The following KATNA1 variants were observed in gnomAD, a reference collection of about 807,000 sequenced individuals.
KATNA1 encodes the protein katanin catalytic subunit A1, also known as katanin p60 ATPase-containing subunit A1.
KATNA1 carries 42 observed loss-of-function variants against 62.6 expected under a neutral mutation model. The observed-to-expected ratio is 0.67, with a 90% CI of 0.52 to 0.87. The LOEUF (loss-of-function observed/expected upper bound fraction) is 0.87. Among genes scored for constraint, KATNA1 ranks in the 40% least tolerant of loss-of-function variants. KATNA1 has a pLI of 0.00. For missense variants in KATNA1, 498 were observed against 612.5 expected (o/e 0.81, Z 1.97); for synonymous variants, 186 against 201.9 (o/e 0.92, Z 0.67).
intron 3 of KATNA1, among the ~76,000 whole-genome samples, chr6:149,630,022 T>C (rs935221702): frequency 1.3e-5 from 2 of 152,192 alleles, no homozygotes; most frequent in African/African-American, 4.8e-5. Context: ...TTGACTATTA[T>C]TAGGATTTTT....
chr6:149,642,829 A>T (rs1197984393), intron 1 of KATNA1, among the ~76,000 whole-genome samples: 1 of 152,228 alleles, frequency 6.6e-6, no homozygotes, highest in Non-Finnish European at 1.5e-5. Context: ...ATGTGAGTGG[A>T]GAAATTGCTT....
At chr6:149,619,441 C>T (rs750626225) in intron 4 of KATNA1, among the ~76,000 whole-genome samples, 29 of 151,946 alleles carry the variant, frequency 1.9e-4, no homozygotes, top group Non-Finnish European at 3.1e-4. Context: ...GGTGAAACCC[C>T]GTCTCTACTA....
intron 4 of KATNA1, among the ~76,000 whole-genome samples, chr6:149,619,565 A>G (rs957189540): frequency 6.6e-6 from 1 of 152,024 alleles, no homozygotes; most frequent in Non-Finnish European, 1.5e-5. Context: ...GTTAGCCAAG[A>G]TGATGCCACT....
intron 7 of KATNA1, among the ~76,000 whole-genome samples, chr6:149,599,513 G>A (rs1159176037): frequency 6.6e-6 from 1 of 151,934 alleles, no homozygotes; most frequent in African/African-American, 2.4e-5. Context: ...GCACACTTCT[G>A]GTAAGAGAAG....
chr6:149,594,914 G>T lies in KATNA1; in HGVS notation c.*122C>A. ...ATTGCCTTTATTCAGAATCATAAGG[G>T]TTTTTTTAAAAAAATCTTACCATTA... On this transcript the variant is annotated 3_prime_UTR_variant, in exon 11 of 11. Coordinates refer to ENST00000367411, the MANE Select transcript of KATNA1 (RefSeq NM_007044.4). 2.7e-6 allele frequency: 2 copies of T among 736,564 alleles called. No individual in the cohort carries two copies. Among genetic ancestry groups the T allele is most frequent in the South Asian group, 2.3e-5 (1 of 43,426 alleles). The allele number at this position is 736,564 out of a possible 1,614,324, so 45.6% of individuals were successfully genotyped here. A position where few individuals can be genotyped will look rare whatever the true frequency, so the allele number is the denominator to read the frequency against.
intron 4 of KATNA1, among the ~76,000 whole-genome samples, chr6:149,621,123 CTT>C (rs1282414027): frequency 1.4e-4 from 19 of 135,736 alleles, no homozygotes; most frequent in Middle Eastern, 3.8e-3. Flanking sequence ...CCTATGCCTT[CTT>C]TTTTTTTTTT....
At chr6:149,609,248 C>G (rs1778853996) in intron 4 of KATNA1, among the ~76,000 whole-genome samples, 1 of 151,178 alleles carries the variant, frequency 6.6e-6, no homozygotes, top group Non-Finnish European at 1.5e-5. Flanking sequence ...ACCAAAGACA[C>G]AGAAAAAATT....
chr6:149,631,555 CAAAAAAAACA>C (rs1392202244), intron 3 of KATNA1: 1 of 84,416 alleles, frequency 1.2e-5, no homozygotes, highest in Non-Finnish European at 2.0e-5. Context: ...CTTAAAAAAA[CAAAAAAAACA>C]AAAAAAAAAC....
intron 2 of KATNA1, among the ~76,000 whole-genome samples, chr6:149,634,275 AAAAAT>A (rs377557364): frequency 0.02 from 2,649 of 133,974 alleles, 109 homozygotes; most frequent in African/African-American, 0.074. Context: ...TCCATCTCAA[AAAAAT>A]AAAATAAAAT....
At chr6:149,604,121 AAAAT>A (rs1227060935) in intron 5 of KATNA1, among the ~76,000 whole-genome samples, 3 of 152,192 alleles carry the variant, frequency 2.0e-5, no homozygotes, top group Non-Finnish European at 2.9e-5. Context: ...GCTCTAAAAG[AAAAT>A]AAAAGCAACA....
intron 4 of KATNA1, among the ~76,000 whole-genome samples, chr6:149,615,691 C>A (rs547921911): frequency 3.3e-4 from 50 of 152,014 alleles, no homozygotes; most frequent in African/African-American, 1.1e-3. Context: ...TGGGTAGGGG[C>A]GCGGATCACT....
intron 1 of KATNA1, among the ~76,000 whole-genome samples, chr6:149,647,420 G>A (rs1780529624): frequency 6.6e-6 from 1 of 150,730 alleles, no homozygotes; most frequent in Admixed American, 6.7e-5. Flanking sequence ...TACTCAAGGA[G>A]GCTGAGGCAG....
Position 149,613,105 on chromosome 6 carries a change from G to A in KATNA1, c.502-8323C>T, listed in dbSNP as rs59064652. Among the ~76,000 whole-genome samples, 586 of 144,882 alleles carry A rather than the reference G, an allele frequency of 4.0e-3. 4 individuals are homozygous for A. The highest frequency in any genetic ancestry group is 0.014 in the African/African-American group (550 of 38,636). ...TGAGGCAGGAGAATGGCGTGAACCC[G>A]GGAGGCGGAGCTTGCAGTGAGTGGG... is the stretch of plus-strand genomic sequence containing the variant. On this transcript the variant is annotated intron_variant, in intron 4 of 10. Coordinates refer to ENST00000367411, the MANE Select transcript of KATNA1 (RefSeq NM_007044.4).
intron 4 of KATNA1, among the ~76,000 whole-genome samples, chr6:149,619,465 T>A (rs1038388138): frequency 6.6e-6 from 1 of 151,868 alleles, no homozygotes; most frequent in Non-Finnish European, 1.5e-5. Context: ...TACAAAAAAT[T>A]AGCTAGGCGT....
intron 4 of KATNA1, among the ~76,000 whole-genome samples, chr6:149,618,123 C>G (rs1478992517): frequency 2.0e-5 from 3 of 147,528 alleles, no homozygotes; most frequent in South Asian, 4.2e-4. Context: ...CCACTGCACT[C>G]CAGCCTGGTG....
intron 4 of KATNA1, among the ~76,000 whole-genome samples, chr6:149,610,427 CA>C (rs1414121140): frequency 4.6e-5 from 7 of 152,026 alleles, no homozygotes; most frequent in African/African-American, 1.7e-4. Context: ...GTTCACAGAA[CA>C]TATACCAAAA....
intron 2 of KATNA1, among the ~76,000 whole-genome samples, chr6:149,634,707 T>A (rs1475038582): frequency 6.6e-6 from 1 of 152,174 alleles, no homozygotes; most frequent in Non-Finnish European, 1.5e-5. Context: ...AATTAACTTT[T>A]AAAATGCTGA....
chr6:149,648,706 G>C lies in KATNA1; in HGVS notation c.-251C>G, dbSNP rs1367424836. ...CACTTCCGGTGCCGGGGACGACCTCGGCGACTCTGGCGCACGCGGGGCGTC... is the reference window on the plus strand; with the variant it reads ...CACTTCCGGTGCCGGGGACGACCTCCGCGACTCTGGCGCACGCGGGGCGTC... On this transcript the variant is annotated 5_prime_UTR_variant, in exon 1 of 11. Coordinates refer to ENST00000367411, the MANE Select transcript of KATNA1 (RefSeq NM_007044.4). The C allele has an allele frequency of 1.3e-5, 2 of 152,284 alleles. No homozygotes were observed. The highest frequency in any genetic ancestry group is 3.9e-4 in the East Asian group (2 of 5,166). 9.4% of individuals were successfully genotyped at this position (152,284 alleles called of 1,614,324 possible).
At chr6:149,621,124 T>TTC (rs1357327822) in intron 4 of KATNA1, among the ~76,000 whole-genome samples, 12 of 133,306 alleles carry the variant, frequency 9.0e-5, no homozygotes, top group African/African-American at 3.6e-4. Context: ...CTATGCCTTC[T>TTC]TTTTTTTTTT....
Sources: gnomAD v4.1 joint callset for allele counts (sites outside exome capture counted in the v4.1 genomes callset) on GRCh38, gnomAD v4.1.1 for gene constraint, MANE v1.5 for transcripts, NCBI Gene and HGNC (gene_info 2026-07-23, HGNC 2026-07-21) for gene names.